SOBP: variants seen among roughly 807,000 people sequenced by gnomAD.
The protein encoded by SOBP is sine oculis-binding protein homolog.
A neutral mutation model predicts 53.6 loss-of-function variants in SOBP; 4 were observed. That is an observed-to-expected ratio of 0.07 (90% CI 0.04 to 0.17). SOBP has a LOEUF of 0.17. SOBP is among the 10% of genes least tolerant of loss of function. The pLI is 1.00. For missense variants in SOBP, 1,088 were observed against 1,204.7 expected, an observed-to-expected ratio of 0.90 and a Z score of 1.43; for synonymous variants, 584 against 522.6, an observed-to-expected ratio of 1.12 and a Z score of -1.60.
chr6:107,543,744 G>A (rs1784217822), intron 4 of SOBP, among the ~76,000 whole-genome samples: 1 of 152,186 alleles, frequency 6.6e-6, no homozygotes, highest in Non-Finnish European at 1.5e-5. Context: ...TGACATGTGG[G>A]AGAAATAATC....
In SOBP at chr6:107,502,492, TATG is replaced by T. The variant is rs1260214228; in HGVS notation, c.97-1162_97-1160del. Among the ~76,000 whole-genome samples the T allele has an allele frequency of 7.2e-5, 11 of 152,350 alleles. No homozygotes were observed. In the East Asian group the frequency reaches 2.1e-3, roughly 29 times the overall value. On this transcript the variant is annotated intron_variant, in intron 1 of 6. Transcript: ENST00000317357. Reference sequence around the variant, plus strand: ...AGGTAAAAATATATAGTCACTTTAATATGATATTAAATCTGTCCAATTATACTT... The same window carrying T: ...AGGTAAAAATATATAGTCACTTTAATATATTAAATCTGTCCAATTATACTT...
At chr6:107,600,356 A>C (rs545521497) in intron 5 of SOBP, among the ~76,000 whole-genome samples, 1 of 152,342 alleles carries the variant, frequency 6.6e-6, no homozygotes, top group South Asian at 2.1e-4. Flanking sequence ...ATGTGCTTCC[A>C]GGATGTAGTG....
intron 3 of SOBP, among the ~76,000 whole-genome samples, chr6:107,531,507 G>A (rs1382494242): frequency 6.6e-6 from 1 of 151,806 alleles, no homozygotes; most frequent in African/African-American, 2.4e-5. Context: ...CATACACCAA[G>A]GTAAATTATA....
chr6:107,501,380 G>A (rs150510586), intron 1 of SOBP, among the ~76,000 whole-genome samples: 127 of 152,336 alleles, frequency 8.3e-4, no homozygotes, highest in African/African-American at 2.9e-3. Context: ...GTTGCTCCAT[G>A]ATTATGCATT....
intron 5 of SOBP, among the ~76,000 whole-genome samples, chr6:107,591,256 T>C (rs1785736996): frequency 6.6e-6 from 1 of 152,158 alleles, no homozygotes. Context: ...GAGCATATCA[T>C]AAGGATAGAA....
chr6:107,575,327 A>G (rs1386017717), intron 4 of SOBP, among the ~76,000 whole-genome samples: 2 of 152,186 alleles, frequency 1.3e-5, no homozygotes, highest in Admixed American at 1.3e-4. Flanking sequence ...AGTGGCTTCT[A>G]TATTGAATTT....
intron 2 of SOBP, among the ~76,000 whole-genome samples, chr6:107,504,456 A>C (rs185322387): frequency 3.5e-4 from 54 of 152,338 alleles, no homozygotes; most frequent in African/African-American, 1.3e-3. Flanking sequence ...AGTGGGTAAC[A>C]GTGCCAGATA....
At chr6:107,592,711 CCCA>C (rs1237718878) in intron 5 of SOBP, among the ~76,000 whole-genome samples, 4 of 152,156 alleles carry the variant, frequency 2.6e-5, no homozygotes, top group African/African-American at 9.7e-5. Context: ...CTGCAATAGC[CCCA>C]CAAGTGTAAA....
chr6:107,638,717 G>A (rs1266678311), intron 6 of SOBP, among the ~76,000 whole-genome samples: 1 of 152,162 alleles, frequency 6.6e-6, no homozygotes, highest in African/African-American at 2.4e-5. Context: ...AGGCTGAGAT[G>A]TGGTGGGTGA....
At chr6:107,646,996 A>G (rs932511233) in intron 6 of SOBP, among the ~76,000 whole-genome samples, 13 of 152,300 alleles carry the variant, frequency 8.5e-5, no homozygotes, top group Admixed American at 8.5e-4. Flanking sequence ...ATGCCCTAAA[A>G]TGGCAGTTGC....
At chr6:107,611,884 G>GA (rs1194139505) in intron 5 of SOBP, among the ~76,000 whole-genome samples, 2 of 151,622 alleles carry the variant, frequency 1.3e-5, no homozygotes, top group African/African-American at 2.4e-5. Flanking sequence ...CCCAAGAATG[G>GA]AAAAAAAAGA....
At chr6:107,531,608 TTTTA>T (rs150394981) in intron 3 of SOBP, among the ~76,000 whole-genome samples, 1,606 of 152,224 alleles carry the variant, frequency 0.011, 27 homozygotes, top group African/African-American at 0.037. Flanking sequence ...AAAAGCTTGC[TTTTA>T]TTTATTTATT....
intron 3 of SOBP, among the ~76,000 whole-genome samples, chr6:107,531,124 A>G (rs1003611936): frequency 1.3e-5 from 2 of 152,256 alleles, no homozygotes; most frequent in Non-Finnish European, 2.9e-5. Flanking sequence ...GTGTTGGTCC[A>G]TTATAGCTGA....
chr6:107,648,010 C>CT (rs1771634657), intron 6 of SOBP, among the ~76,000 whole-genome samples: 1 of 152,164 alleles, frequency 6.6e-6, no homozygotes. Flanking sequence ...TAATATGAAG[C>CT]TTTCTCCCTC....
intron 4 of SOBP, among the ~76,000 whole-genome samples, chr6:107,561,648 A>C (rs1784775945): frequency 6.6e-6 from 1 of 152,222 alleles, no homozygotes; most frequent in Non-Finnish European, 1.5e-5. Flanking sequence ...TTGGCTGGTC[A>C]GATTCCTTGT....
At chr6:107,570,517 C>G (rs72945623) in intron 4 of SOBP, among the ~76,000 whole-genome samples, 7,441 of 152,320 alleles carry the variant, frequency 0.049, 211 homozygotes, top group Middle Eastern at 0.085. Flanking sequence ...ACACACAACT[C>G]AGAATCTTTT....
chr6:107,540,768 C>G (rs1784128581), intron 4 of SOBP, among the ~76,000 whole-genome samples: 1 of 152,144 alleles, frequency 6.6e-6, no homozygotes, highest in Non-Finnish European at 1.5e-5. Context: ...TCACAACCTC[C>G]CAGAAGTTGT....
chr6:107,554,761 A>G (rs777051430), intron 4 of SOBP, among the ~76,000 whole-genome samples: 1 of 152,170 alleles, frequency 6.6e-6, no homozygotes, highest in Non-Finnish European at 1.5e-5. Context: ...AAAACGCATC[A>G]TCATTCATGC....
chr6:107,494,586 A>G (rs1034778487), intron 1 of SOBP, among the ~76,000 whole-genome samples: 2 of 152,352 alleles, frequency 1.3e-5, no homozygotes, highest in South Asian at 2.1e-4. Flanking sequence ...GCATGATTAG[A>G]TCAAGCATTC....
Sources: gnomAD v4.1 joint callset for allele counts (sites outside exome capture counted in the v4.1 genomes callset) on GRCh38, gnomAD v4.1.1 for gene constraint, MANE v1.5 for transcripts, NCBI Gene and HGNC (gene_info 2026-07-23, HGNC 2026-07-21) for gene names.